The following HDAC4 variants were observed in gnomAD, a reference collection of about 807,000 sequenced individuals.
The protein encoded by HDAC4 is histone deacetylase A.
Under a neutral mutation model 135.1 loss-of-function variants are expected in HDAC4, and 16 were observed. The ratio of observed to expected loss-of-function variants is 0.12; its 90% confidence interval spans 0.08 to 0.18. The LOEUF is 0.18. Among genes scored for constraint, HDAC4 ranks in the 10% least tolerant of loss-of-function variants. HDAC4 has a pLI of 1.00. For missense variants in HDAC4, 1,143 were observed against 1,511.8 expected (o/e 0.76, Z 4.05); for synonymous variants, 685 against 653.4 (o/e 1.05, Z -0.74).
At chr2:239,176,701 T>C in intron 4 of HDAC4, 138 bp from the exon 5 acceptor site, 1 of 703,402 alleles carries the variant, frequency 1.4e-6, no homozygotes, top group South Asian at 1.8e-5. Context: ...TGCCCTGCAC[T>C]GCTGCTATTT....
chr2:239,374,065 C>T (rs981847726), intron 1 of HDAC4, among the ~76,000 whole-genome samples: 4 of 152,160 alleles, frequency 2.6e-5, no homozygotes, highest in African/African-American at 9.7e-5. Flanking sequence ...TAATTCAAGC[C>T]CCTCTAAGGA....
At chr2:239,161,727 G>T in intron 6 of HDAC4, 1 of 371,610 alleles carries the variant, frequency 2.7e-6, no homozygotes, top group South Asian at 2.1e-5. Flanking sequence ...CGCCGCCCTT[G>T]TCCAGGCCAA....
chr2:239,237,159 C>T (rs1302693203), intron 2 of HDAC4, among the ~76,000 whole-genome samples: 3 of 152,128 alleles, frequency 2.0e-5, no homozygotes, highest in African/African-American at 7.2e-5. Flanking sequence ...TGGAGGAGAA[C>T]GCTTCACCAG....
At chr2:239,059,496 C>T (rs13425266) in intron 24 of HDAC4, among the ~76,000 whole-genome samples, 5,065 of 152,066 alleles carry the variant, frequency 0.033, 279 homozygotes, top group African/African-American at 0.12. Flanking sequence ...AGAGCAGAGA[C>T]GTGAAAGGCA....
At chr2:239,389,248 C>T (rs1322071542) in intron 1 of HDAC4, among the ~76,000 whole-genome samples, 7 of 152,208 alleles carry the variant, frequency 4.6e-5, no homozygotes, top group Non-Finnish European at 8.8e-5. Flanking sequence ...CAGCCAGCAG[C>T]GGCAACCCAT....
At chr2:239,137,334 A>G (rs947641118) in intron 9 of HDAC4, among the ~76,000 whole-genome samples, 6 of 152,224 alleles carry the variant, frequency 3.9e-5, no homozygotes, top group Admixed American at 3.9e-4. Flanking sequence ...ACGCGTGTAA[A>G]TAACAGCAGC....
chr2:239,345,544 CCTGT>C (rs1032792280), intron 2 of HDAC4, among the ~76,000 whole-genome samples: 8 of 151,694 alleles, frequency 5.3e-5, no homozygotes, highest in African/African-American at 1.9e-4. Flanking sequence ...ACAGCAAGAC[CCTGT>C]CTAACACACA....
At chr2:239,364,103 C>T (rs149957702) in intron 1 of HDAC4, among the ~76,000 whole-genome samples, 44 of 152,274 alleles carry the variant, frequency 2.9e-4, no homozygotes, top group Admixed American at 5.9e-4. Flanking sequence ...CACTCACACA[C>T]GAGGTTACAA....
At position 239,331,856 on chromosome 2, in the gene HDAC4, G is replaced by T. The variant is rs528823513; in HGVS notation, c.22+20822C>A. Among the ~76,000 whole-genome samples, 1 of 152,220 alleles carries T rather than the reference G, an allele frequency of 6.6e-6. No homozygotes were observed. Among genetic ancestry groups the T allele is most frequent in the South Asian group, 2.1e-4 (1 of 4,818 alleles). On this transcript the variant is annotated intron_variant, in intron 2 of 26. Coordinates refer to ENST00000543185, the MANE Select transcript of HDAC4 (RefSeq NM_001378414.1). The surrounding 1 kb of genome is among the most constrained non-coding windows in gnomAD (Gnocchi z 4.5). ...GCTGAGGAGCGGAGCAGCACCGGACGGCTCGGACCCTGGGAAACGAACGCC... is the reference window on the plus strand; with the variant it reads ...GCTGAGGAGCGGAGCAGCACCGGACTGCTCGGACCCTGGGAAACGAACGCC...
At chr2:239,243,137 T>C (rs1300649100) in intron 2 of HDAC4, among the ~76,000 whole-genome samples, 1 of 152,046 alleles carries the variant, frequency 6.6e-6, no homozygotes, top group Admixed American at 6.5e-5. Flanking sequence ...AAAATGAGAA[T>C]TGGATAAATT....
chr2:239,092,244 A>G (rs1158857479), intron 17 of HDAC4, among the ~76,000 whole-genome samples: 1 of 130,108 alleles, frequency 7.7e-6, no homozygotes, highest in Admixed American at 7.7e-5. Context: ...GTCTCCAAAG[A>G]GGAAAAAAAA....
chr2:239,274,623 A>T (rs1277190781), intron 2 of HDAC4, among the ~76,000 whole-genome samples: 1 of 152,224 alleles, frequency 6.6e-6, no homozygotes, highest in African/African-American at 2.4e-5. Flanking sequence ...AAATAACCAA[A>T]GCAAAGCAAG....
intron 19 of HDAC4, among the ~76,000 whole-genome samples, chr2:239,084,648 CCA>C (rs545742164): frequency 2.0e-5 from 3 of 150,488 alleles, no homozygotes; most frequent in Admixed American, 6.6e-5. Context: ...CACGTACACC[CCA>C]CACAGACACA....
intron 1 of HDAC4, among the ~76,000 whole-genome samples, chr2:239,368,787 C>T (rs919983425): frequency 1.3e-5 from 2 of 152,090 alleles, no homozygotes; most frequent in African/African-American, 4.8e-5. Context: ...CTAAGTGTTG[C>T]GTTCTTTCGG....
chr2:239,325,121 C>G (rs2125786950), intron 2 of HDAC4, among the ~76,000 whole-genome samples: 2 of 152,284 alleles, frequency 1.3e-5, no homozygotes, highest in Middle Eastern at 3.4e-3. Flanking sequence ...AATATAAGAA[C>G]TAAAACCATA....
At chr2:239,215,511 T>C (rs1424648717) in intron 3 of HDAC4, among the ~76,000 whole-genome samples, 1 of 152,162 alleles carries the variant, frequency 6.6e-6, no homozygotes, top group East Asian at 1.9e-4. Context: ...TCCTCACATC[T>C]GGAGTGGGCA....
intron 2 of HDAC4, among the ~76,000 whole-genome samples, chr2:239,268,692 G>C (rs979715663): frequency 6.6e-6 from 1 of 152,172 alleles, no homozygotes; most frequent in Non-Finnish European, 1.5e-5. Context: ...CCCCTCAGGA[G>C]GGCTGGACAG....
At chr2:239,186,285 C>T (rs775716916) in intron 4 of HDAC4, among the ~76,000 whole-genome samples, 7 of 152,170 alleles carry the variant, frequency 4.6e-5, no homozygotes, top group Non-Finnish European at 1.0e-4. Flanking sequence ...TTATAAAACT[C>T]TATTCAAATT....
rs549508131 is a variant in HDAC4 at position 239,127,264 on chromosome 2, T to C, written c.1295-570A>G. On this transcript the variant is annotated intron_variant, in intron 11 of 26. Coordinates refer to ENST00000543185, the MANE Select transcript of HDAC4 (RefSeq NM_001378414.1). Reference sequence around the variant, plus strand: ...TTTTAAAAAGTCCTTATGCATATTGTCAAAACCCCTTTCTGAAAAGATCTG... The same window carrying C: ...TTTTAAAAAGTCCTTATGCATATTGCCAAAACCCCTTTCTGAAAAGATCTG... 2.0e-5 allele frequency among the ~76,000 whole-genome samples: 3 copies of C among 152,332 alleles called. No individual in the cohort carries two copies. In the South Asian group the frequency reaches 6.2e-4, roughly 32 times the overall value.
Sources: gnomAD v4.1 joint callset for allele counts (sites outside exome capture counted in the v4.1 genomes callset) on GRCh38, gnomAD v4.1.1 for gene constraint, Gnocchi (gnomAD v3.1) non-coding constraint, MANE v1.5 for transcripts, NCBI Gene and HGNC (gene_info 2026-07-23, HGNC 2026-07-21) for gene names.